The following P2RY8 variants were observed in gnomAD, a reference collection of about 807,000 sequenced individuals.
P2RY8 encodes the protein P2Y receptor family member 8, also known as S-geranylgeranyl-glutathione receptor P2RY8.
A neutral mutation model predicts 10.0 loss-of-function variants in P2RY8; 6 were observed. That is an observed-to-expected ratio of 0.60 (90% CI 0.33 to 1.19). The LOEUF (loss-of-function observed/expected upper bound fraction) is 1.19. Ranked by LOEUF, P2RY8 falls within the 50% of genes most tolerant of loss-of-function variation. P2RY8 has a pLI of 0.04. For missense variants in P2RY8, 456 were observed against 542.0 expected, an observed-to-expected ratio of 0.84 and a Z score of 1.58; for synonymous variants, 276 against 252.5, an observed-to-expected ratio of 1.09 and a Z score of -0.88.
Position 1,463,001 on chromosome X carries a change from TG to T in P2RY8, c.*2477del, listed in dbSNP as rs1433169182. ...ACAAAAAAAAAAAATCGACGCATTT[TG>T]CCTGCTTGCAACGTCTTCCTTTGCT... On this transcript the variant is annotated 3_prime_UTR_variant, in exon 2 of 2. Coordinates refer to ENST00000381297, the MANE Select transcript of P2RY8 (RefSeq NM_178129.5). 4 of 232,840 alleles carry T rather than the reference TG, an allele frequency of 1.7e-5. No individual in the cohort carries two copies. Among genetic ancestry groups the T allele is most frequent in the African/African-American group, 8.8e-5 (4 of 45,230 alleles). 14.4% of individuals were successfully genotyped at this position (232,840 alleles called of 1,614,324 possible). A position where few individuals can be genotyped will look rare whatever the true frequency, so the allele number is the denominator to read the frequency against.
chrX:1,466,036 A>G lies in P2RY8; in HGVS notation c.523T>C (p.Cys175Arg). The G allele has an allele frequency of 6.2e-7, 1 of 1,611,886 alleles. No homozygotes were observed. The highest frequency in any genetic ancestry group is 8.5e-7 in the Non-Finnish European group (1 of 1,179,764). Residue 175 changes from cysteine (C) to arginine (R), a missense_variant, in exon 2 of 2, where the codon TGC (cysteine) becomes CGC (arginine). By Grantham distance (180) the Cys-to-Arg change is radical. Transcript: ENST00000381297. ...ATCGTCCACTTGAGGACGTCGAAGCAGGTGATGATGCCCAGGGCGTGCACC... is the reference window on the plus strand; with the variant it reads ...ATCGTCCACTTGAGGACGTCGAAGCGGGTGATGATGCCCAGGGCGTGCACC... ...YPVHALGIIT[C>R]FDVLKWTMLP...
rs778376236 is a variant in P2RY8 at position 1,465,549 on chromosome X, G to T, written c.1010C>A (p.Ala337Asp). 1.9e-6 allele frequency: 3 copies of T among 1,612,176 alleles called. No homozygotes were observed. Among genetic ancestry groups the T allele is most frequent in the Non-Finnish European group, 2.5e-6 (3 of 1,179,750 alleles). The change falls in exon 2 of 2, where the codon GCC becomes GAC. Residue 337 changes from alanine to aspartate, a missense_variant. Ala to Asp is a moderately radical substitution (Grantham distance 126). Coordinates refer to ENST00000381297, the MANE Select transcript of P2RY8 (RefSeq NM_178129.5). ...CTCCATCCCTTCAGGGTGCGCACCGGCCTCGGAGCGCACGGACGTGGTCCT... is the reference window on the plus strand; with the variant it reads ...CTCCATCCCTTCAGGGTGCGCACCGTCCTCGGAGCGCACGGACGTGGTCCT... ...SARTTSVRSE[A>D]GAHPEGMEGA... is the part of the protein sequence containing the mutation.
chrX:1,519,462 C>A (rs1328773016), intron 1 of P2RY8, among the ~76,000 whole-genome samples: 1 of 151,660 alleles, frequency 6.6e-6, no homozygotes, highest in African/African-American at 2.4e-5. Flanking sequence ...TCCCAATATT[C>A]TCTCTGGTTC....
intron 1 of P2RY8, among the ~76,000 whole-genome samples, chrX:1,530,163 TCTATC>T (rs2092463721): frequency 9.2e-3 from 50 of 5,424 alleles, no homozygotes; most frequent in African/African-American, 0.012. Flanking sequence ...GTATGATCTA[TCTATC>T]TATCTATCTA....
intron 1 of P2RY8, among the ~76,000 whole-genome samples, chrX:1,502,429 C>T (rs1390566972): frequency 2.0e-5 from 3 of 152,112 alleles, no homozygotes; most frequent in East Asian, 1.9e-4. Flanking sequence ...GACCCCGCTG[C>T]GAGCCAGGTT....
intron 1 of P2RY8, among the ~76,000 whole-genome samples, chrX:1,482,489 C>A (rs3922990): frequency 6.6e-6 from 1 of 151,968 alleles, no homozygotes. Context: ...GGTTCGCAGG[C>A]TTGACTTCCT....
intron 1 of P2RY8, among the ~76,000 whole-genome samples, chrX:1,509,797 CT>C (rs1466214054): frequency 0.36 from 25,216 of 69,376 alleles, 4,232 homozygotes; most frequent in Middle Eastern, 0.48. Context: ...TGTATCCATC[CT>C]ATCTATCTAT....
At chrX:1,534,150 AT>A (rs2092506651) in intron 1 of P2RY8, among the ~76,000 whole-genome samples, 1 of 134,836 alleles carries the variant, frequency 7.4e-6, no homozygotes, top group Non-Finnish European at 1.5e-5. Context: ...TTACATATAT[AT>A]TTATATACAA....
intron 1 of P2RY8, among the ~76,000 whole-genome samples, chrX:1,485,951 G>T (rs1191262613): frequency 6.6e-6 from 1 of 152,252 alleles, no homozygotes; most frequent in Non-Finnish European, 1.5e-5. Flanking sequence ...AGGTGTGGTG[G>T]CTCACACCTA....
intron 1 of P2RY8, among the ~76,000 whole-genome samples, chrX:1,492,384 G>A (rs1470732446): frequency 3.9e-5 from 6 of 152,152 alleles, no homozygotes; most frequent in Non-Finnish European, 8.8e-5. Context: ...AGGAGAGAGA[G>A]GGTGTCTCTT....
At chrX:1,488,875 A>G (rs1227961220) in intron 1 of P2RY8, among the ~76,000 whole-genome samples, 1 of 152,090 alleles carries the variant, frequency 6.6e-6, no homozygotes, top group African/African-American at 2.4e-5. Flanking sequence ...TCCAGGATTC[A>G]GTTATGCAAA....
At chrX:1,498,343 T>C (rs753851917) in intron 1 of P2RY8, among the ~76,000 whole-genome samples, 104 of 144,380 alleles carry the variant, frequency 7.2e-4, no homozygotes, top group African/African-American at 2.6e-3. Context: ...GAGGCGGAGC[T>C]TGCAGTGAGC....
intron 1 of P2RY8, among the ~76,000 whole-genome samples, chrX:1,490,129 G>A (rs1261393283): frequency 7.0e-6 from 1 of 143,564 alleles, no homozygotes; most frequent in Non-Finnish European, 1.5e-5. Context: ...CAAATGTAGA[G>A]AGAATGAATG....
chrX:1,536,215 T>C (rs2092525327), intron 1 of P2RY8, among the ~76,000 whole-genome samples: 1 of 151,912 alleles, frequency 6.6e-6, no homozygotes, highest in South Asian at 2.1e-4. Flanking sequence ...CTGCTTACCC[T>C]CTCTAAGGTT....
At chrX:1,471,465 A>ATT (rs113928271) in intron 1 of P2RY8, among the ~76,000 whole-genome samples, 3 of 136,166 alleles carry the variant, frequency 2.2e-5, no homozygotes, top group African/African-American at 8.2e-5. Context: ...CACCCAGCCC[A>ATT]TTTTTTTTTT....
At chrX:1,480,584 C>T (rs185346724) in intron 1 of P2RY8, among the ~76,000 whole-genome samples, 2 of 152,120 alleles carry the variant, frequency 1.3e-5, no homozygotes, top group Admixed American at 1.3e-4. Context: ...GAAAACCAAA[C>T]ACTGCATGTT....
At chrX:1,517,622 G>A (rs1349072319) in intron 1 of P2RY8, among the ~76,000 whole-genome samples, 4 of 152,132 alleles carry the variant, frequency 2.6e-5, no homozygotes, top group Non-Finnish European at 4.4e-5. Flanking sequence ...GTTGAGCTCC[G>A]GCAGAGAAGA....
intron 1 of P2RY8, among the ~76,000 whole-genome samples, chrX:1,488,672 C>T (rs1286163457): frequency 1.3e-5 from 2 of 151,946 alleles, no homozygotes; most frequent in African/African-American, 2.4e-5. Flanking sequence ...GCTGCAAACT[C>T]CTTTGGGTCT....
intron 1 of P2RY8, among the ~76,000 whole-genome samples, chrX:1,486,914 C>T (rs1311038841): frequency 2.2e-4 from 34 of 152,340 alleles, no homozygotes; most frequent in Non-Finnish European, 3.8e-4. Context: ...CCTCAGAGAG[C>T]CCCGGTCACA....
Sources: gnomAD v4.1 joint callset for allele counts (sites outside exome capture counted in the v4.1 genomes callset) on GRCh38, gnomAD v4.1.1 for gene constraint, MANE v1.5 for transcripts, NCBI Gene and HGNC (gene_info 2026-07-23, HGNC 2026-07-21) for gene names.